RAG1: variants seen among roughly 807,000 people sequenced by gnomAD.
RAG1 encodes V(D)J recombination-activating protein 1.
RAG1 carries 35 observed loss-of-function variants against 62.7 expected under a neutral mutation model. That is an observed-to-expected ratio of 0.56 (90% CI 0.43 to 0.74). RAG1 has a LOEUF of 0.74. RAG1 is among the 30% of genes least tolerant of loss of function. The pLI, the probability that RAG1 is intolerant of heterozygous loss-of-function variation, is 0.00. For synonymous variants in RAG1, 461 were observed against 470.3 expected, an observed-to-expected ratio of 0.98 and a Z score of 0.26; for missense variants, 1,169 against 1,278.6, an observed-to-expected ratio of 0.91 and a Z score of 1.31.
chr11:36,534,395 C>T (rs1335709148), intron 2 of RAG1, among the ~76,000 whole-genome samples: 1 of 152,214 alleles, frequency 6.6e-6, no homozygotes, highest in Non-Finnish European at 1.5e-5. Context: ...CCAATTATTT[C>T]TAGTTTTCCT....
upstream of RAG1, chr11:36,567,433 T>C (rs1564986280): frequency 6.6e-6 from 1 of 152,206 alleles, no homozygotes; most frequent in Non-Finnish European, 1.5e-5. Flanking sequence ...AATCCAGGTC[T>C]GTTGATGTCC....
At chr11:36,521,639 G>A (rs1045381151) in intron 2 of RAG1, among the ~76,000 whole-genome samples, 2 of 152,174 alleles carry the variant, frequency 1.3e-5, no homozygotes, top group African/African-American at 4.8e-5. Flanking sequence ...AAATGGGGAA[G>A]CAACTTTGGA....
At chr11:36,527,854 C>T (rs1168840375) in intron 2 of RAG1, among the ~76,000 whole-genome samples, 21 of 152,082 alleles carry the variant, frequency 1.4e-4, no homozygotes, top group Non-Finnish European at 1.5e-5. Context: ...GGAGTTCACT[C>T]ATGATTTGTC....
chr11:36,527,417 G>T (rs1231952971), intron 2 of RAG1, among the ~76,000 whole-genome samples: 2 of 151,996 alleles, frequency 1.3e-5, no homozygotes, highest in Non-Finnish European at 2.9e-5. Flanking sequence ...TATTTCTGAG[G>T]CCTCTGTTCT....
chr11:36,568,510 G>C (rs1217683471), intron 1 of RAG1, among the ~76,000 whole-genome samples: 1 of 152,092 alleles, frequency 6.6e-6, no homozygotes, highest in Non-Finnish European at 1.5e-5. Context: ...TGGTTTCCCA[G>C]GTATTAACAA....
intron 3 of RAG1, among the ~76,000 whole-genome samples, chr11:36,551,506 C>G (rs907318699): frequency 6.6e-6 from 1 of 151,752 alleles, no homozygotes; most frequent in Admixed American, 6.6e-5. Flanking sequence ...ATTGTCTTCC[C>G]TCTGTGTGTG....
chr11:36,516,809 C>A (rs1298840806), intron 1 of RAG1, among the ~76,000 whole-genome samples: 1 of 152,206 alleles, frequency 6.6e-6, no homozygotes, highest in Admixed American at 6.5e-5. Flanking sequence ...ACATGTTCAC[C>A]TAATAAATAT....
chr11:36,551,533 T>G (rs957238350), intron 3 of RAG1, among the ~76,000 whole-genome samples: 5 of 152,064 alleles, frequency 3.3e-5, no homozygotes, highest in African/African-American at 1.2e-4. Flanking sequence ...TTCTAATCTC[T>G]TTTTCTAAGA....
chr11:36,512,064 C>G (rs1216334657), intron 1 of RAG1, among the ~76,000 whole-genome samples: 1 of 152,206 alleles, frequency 6.6e-6, no homozygotes, highest in African/African-American at 2.4e-5. Context: ...TTTTCCTACT[C>G]CTTCAAATCC....
intron 2 of RAG1, among the ~76,000 whole-genome samples, chr11:36,527,900 C>T (rs562583281): frequency 9.2e-5 from 14 of 152,006 alleles, no homozygotes; most frequent in African/African-American, 2.6e-4. Context: ...TTGGGATGCT[C>T]GTAATTTTTG....
chr11:36,530,639 A>T (rs1860239896), intron 2 of RAG1, among the ~76,000 whole-genome samples: 1 of 151,690 alleles, frequency 6.6e-6, no homozygotes, highest in Non-Finnish European at 1.5e-5. Flanking sequence ...TTTTTTTCTA[A>T]CTTTTTATTA....
At position 36,574,364 on chromosome 11, in the gene RAG1, CT is replaced by C; in HGVS notation, c.1061del (p.Leu354ArgfsTer3). The C allele has an allele frequency of 1.9e-6, 3 of 1,614,230 alleles. No homozygotes were observed. Among genetic ancestry groups the C allele is most frequent in the Non-Finnish European group, 2.5e-6 (3 of 1,180,040 alleles). On this transcript the variant is annotated frameshift_variant, in exon 2 of 2. Transcript: ENST00000299440. LOFTEE classifies it high-confidence loss of function. ...GTCCTTTCTGAGCGTCTTGAATTCC[CT>C]GATGGTGAAATGTCCAGCAAAAGAG... ...VKSFLSVLNSLMVKCPAKECN... is the reference protein window; with the variant it reads ...VKSFLSVLNSXMVKCPAKECN...
At position 36,568,093 on chromosome 11, in the gene RAG1, ACAC is replaced by A. The variant is rs1359439233; in HGVS notation, c.-43_-41del. 1 of 152,226 alleles carries A rather than the reference ACAC, an allele frequency of 6.6e-6. No individual in the cohort carries two copies. Among genetic ancestry groups the A allele is most frequent in the Non-Finnish European group, 1.5e-5 (1 of 68,042 alleles). The allele number at this position is 152,226 out of a possible 1,614,324, so 9.4% of individuals were successfully genotyped here. Reference sequence around the variant, plus strand: ...TATCAACCAAATTGCAGACATCTCAACACTTTGGCCAGGCAGCCTGCTGAGCAA... The same window carrying A: ...TATCAACCAAATTGCAGACATCTCAATTTGGCCAGGCAGCCTGCTGAGCAA... On this transcript the variant is annotated 5_prime_UTR_variant, in exon 1 of 2. Coordinates refer to ENST00000299440, the MANE Select transcript of RAG1 (RefSeq NM_000448.3).
intron 3 of RAG1, among the ~76,000 whole-genome samples, chr11:36,541,381 G>A (rs1299857896): frequency 6.6e-6 from 1 of 152,198 alleles, no homozygotes; most frequent in Non-Finnish European, 1.5e-5. Flanking sequence ...TTCAGATGGT[G>A]CACAAGATGA....
chr11:36,576,030 T>C lies in RAG1; in HGVS notation c.2726T>C (p.Leu909Pro), dbSNP rs754931922. The change falls in exon 2 of 2, where the codon CTC becomes CCC. Residue 909 changes from leucine to proline, a missense_variant. Physicochemically the swap from Leu to Pro is moderately conservative, Grantham distance 98 (BLOSUM62 -3). Coordinates refer to ENST00000299440, the MANE Select transcript of RAG1 (RefSeq NM_000448.3). ...SCPAKECPES[L>P]CQYSFNSQRF... ...CCTGCTAAAGAGTGCCCAGAATCCC[T>C]CTGCCAGTACAGTTTCAATTCACAG... 1.9e-6 allele frequency: 3 copies of C among 1,614,044 alleles called. No individual in the cohort carries two copies. In the African/African-American group the frequency reaches 4.0e-5, roughly 22 times the overall value.
chr11:36,530,278 T>C (rs1352558986), intron 2 of RAG1, among the ~76,000 whole-genome samples: 1 of 151,966 alleles, frequency 6.6e-6, no homozygotes, highest in Admixed American at 6.6e-5. Flanking sequence ...AAATAATGAG[T>C]CTTTGTTTTA....
downstream of RAG1, among the ~76,000 whole-genome samples, chr11:36,540,985 G>A (rs1425838866): frequency 6.6e-6 from 1 of 152,134 alleles, no homozygotes; most frequent in Non-Finnish European, 1.5e-5. Context: ...GAGAAAAGAG[G>A]GATTGGGGCC....
chr11:36,566,280 G>T (rs114990708), upstream of RAG1, among the ~76,000 whole-genome samples: 20 of 152,138 alleles, frequency 1.3e-4, no homozygotes, highest in African/African-American at 4.3e-4. Flanking sequence ...TCTGTTCACC[G>T]TAGACTCTCG....
intron 2 of RAG1, among the ~76,000 whole-genome samples, chr11:36,524,812 A>T (rs1260311764): frequency 6.6e-6 from 1 of 152,020 alleles, no homozygotes; most frequent in Non-Finnish European, 1.5e-5. Flanking sequence ...TTTAATTTGC[A>T]TTTTCCTAAT....
Sources: allele counts gnomAD v4.1 joint callset (sites outside exome capture counted in the v4.1 genomes callset), GRCh38; gene constraint gnomAD v4.1.1; transcripts MANE v1.5; gene names NCBI Gene and HGNC (gene_info 2026-07-23, HGNC 2026-07-21).